AATK: variants seen among roughly 807,000 people sequenced by gnomAD.
AATK encodes lemur tail kinase 1.
AATK carries 91 observed loss-of-function variants against 114.3 expected under a neutral mutation model. The observed-to-expected ratio is 0.80, with a 90% confidence interval of 0.67 to 0.95. AATK has a LOEUF of 0.95. Among genes scored for constraint, AATK ranks in the 40% least tolerant of loss-of-function variants. AATK has a pLI of 0.00. For missense variants in AATK, 2,176 were observed against 1,965.2 expected, an observed-to-expected ratio of 1.11 and a Z score of -2.03; for synonymous variants, 1,075 against 916.5, an observed-to-expected ratio of 1.17 and a Z score of -3.12.
intron 6 of AATK, among the ~76,000 whole-genome samples, chr17:81,127,311 C>A (rs574161849): frequency 5.9e-5 from 9 of 152,094 alleles, no homozygotes; most frequent in African/African-American, 1.7e-4. Context: ...AACCACAGGG[C>A]ACACAAGCAG....
intron 1 of AATK, among the ~76,000 whole-genome samples, chr17:81,145,665 G>A (rs920511686): frequency 2.0e-5 from 3 of 150,736 alleles, no homozygotes; most frequent in Admixed American, 6.6e-5. Context: ...CCTGGGAGGC[G>A]GAGGTTGCAG....
At position 81,127,685 on chromosome 17, in the gene AATK, A is replaced by G; in HGVS notation, c.534-15T>C. 1 of 1,554,742 alleles carries G rather than the reference A, an allele frequency of 6.4e-7. No homozygotes were observed. The highest frequency in any genetic ancestry group is 8.7e-7 in the Non-Finnish European group (1 of 1,147,948). On this transcript the variant is annotated splice_polypyrimidine_tract_variant and intron_variant, in intron 5 of 13. Coordinates refer to ENST00000326724, the MANE Select transcript of AATK (RefSeq NM_001080395.3). ...GCTTCAGGGCCCTGCGGGAGTGGAC[A>G]GGCGGCCCCTGACTTGGGAGGAGGT... is the stretch of plus-strand genomic sequence containing the variant.
chr17:81,125,073 G>A (rs1264415578), intron 7 of AATK, 59 bp from the exon 8 acceptor site: 7 of 1,127,860 alleles, frequency 6.2e-6, no homozygotes, highest in Non-Finnish European at 8.8e-6. Flanking sequence ...TGTGCCGGGT[G>A]GGGGCAGGGG....
chr17:81,143,963 C>T (rs939626815), intron 1 of AATK, among the ~76,000 whole-genome samples: 29 of 152,244 alleles, frequency 1.9e-4, no homozygotes, highest in African/African-American at 6.5e-4. Flanking sequence ...AGGGTGAGCA[C>T]GGTGCCCAGG....
rs1405146758 is a variant in AATK at position 81,122,153 on chromosome 17, G to A, written c.1783C>T (p.Pro595Ser). ...GGGTCCCGCGCCAAGCTTCTGCGAG[G>A]GTAGTGGTCGCCGCGGCCCCAGGGG... ...DVPWGRGDHY[P>S]RRSLARDPLC... The change falls in exon 11 of 14, where the codon CCT becomes TCT. Residue 595 changes from proline (P) to serine (S), a missense_variant. Pro to Ser is a moderately conservative substitution (Grantham distance 74). Coordinates refer to ENST00000326724, the MANE Select transcript of AATK (RefSeq NM_001080395.3). 3 of 1,521,394 alleles carry A rather than the reference G, an allele frequency of 2.0e-6. No homozygotes were observed. Among genetic ancestry groups the A allele is most frequent in the Non-Finnish European group, 2.6e-6 (3 of 1,135,592 alleles). The allele number at this position is 1,521,394 out of a possible 1,614,324, so 94.2% of individuals were successfully genotyped here.
intron 6 of AATK, among the ~76,000 whole-genome samples, chr17:81,127,212 C>T (rs2060850460): frequency 6.6e-6 from 1 of 152,044 alleles, no homozygotes; most frequent in South Asian, 2.1e-4. Context: ...CCAGGCCCAG[C>T]CCCCCATGGC....
At chr17:81,159,320 G>T (rs1400467134) in intron 1 of AATK, among the ~76,000 whole-genome samples, 1 of 152,168 alleles carries the variant, frequency 6.6e-6, no homozygotes, top group Non-Finnish European at 1.5e-5. Flanking sequence ...ACATGGGGCA[G>T]CTGGGAGGGC....
chr17:81,144,780 C>T (rs963420050), intron 1 of AATK, among the ~76,000 whole-genome samples: 10 of 152,212 alleles, frequency 6.6e-5, no homozygotes, highest in African/African-American at 2.4e-4. Flanking sequence ...AGATGAAGCT[C>T]CCGGGTGAAA....
At position 81,157,134 on chromosome 17, in the gene AATK, G is replaced by A. The variant is rs866624532; in HGVS notation, c.55+8804C>T. On this transcript the variant is annotated intron_variant, in intron 1 of 13. Transcript: ENST00000326724. The stretch of plus-strand genomic sequence containing the variant: ...GGGTGGCAGGTGAGGACAGGGCAGG[G>A]GCTGTAAGTCACAAGACACCGCCCC... Among the ~76,000 whole-genome samples the A allele has an allele frequency of 9.8e-5, 15 of 152,320 alleles. No individual in the cohort carries two copies. The South Asian group carries it at 1.2e-3, about 13-fold the overall frequency.
rs2060817715 is a variant in AATK, at chr17:81,126,121, C to T, written c.755+306G>A. On this transcript the variant is annotated intron_variant, in intron 7 of 13. Coordinates refer to ENST00000326724, the MANE Select transcript of AATK (RefSeq NM_001080395.3). The surrounding 1 kb of genome is among the most constrained non-coding windows in gnomAD (Gnocchi z 5.1). ...TCTCCCTCAAGCCCCAAAGCGAGGG[C>T]TTAGCAGAGTGTGGGGTTGGCGCGG... Among the ~76,000 whole-genome samples, 1 of 152,178 alleles carries T rather than the reference C, an allele frequency of 6.6e-6. No homozygotes were observed. Among genetic ancestry groups the T allele is most frequent in the Non-Finnish European group, 1.5e-5 (1 of 68,018 alleles).
chr17:81,118,068 G>C lies in AATK; in HGVS notation c.*334C>G, dbSNP rs1239874744. 5 of 278,482 alleles carry C rather than the reference G, an allele frequency of 1.8e-5. No individual in the cohort carries two copies. Among genetic ancestry groups the C allele is most frequent in the African/African-American group, 2.2e-5 (1 of 45,628 alleles). The allele number at this position is 278,482 out of a possible 1,614,324, so 17.3% of individuals were successfully genotyped here. A position where few individuals can be genotyped will look rare whatever the true frequency, so the allele number is the denominator to read the frequency against. The stretch of plus-strand genomic sequence containing the variant: ...GGTCCTCCGAGGCCAGGCAGGCAGG[G>C]CAGAGGGTGGGGGCCGCCGTGCCCA... On this transcript the variant is annotated 3_prime_UTR_variant, in exon 14 of 14. Coordinates refer to ENST00000326724, the MANE Select transcript of AATK (RefSeq NM_001080395.3).
At position 81,131,176 on chromosome 17, in the gene AATK, G is replaced by T. The variant is rs373450307; in HGVS notation, c.219C>A (p.Tyr73Ter). Residue 73 changes from tyrosine to a stop codon, truncating the protein, a stop_gained, in exon 3 of 14, where the codon TAC becomes TAA. Transcript: ENST00000326724. LOFTEE classifies it high-confidence loss of function. ...KEFENAEGDE[Y>*]AADLAQGSPA... is the part of the protein sequence containing the mutation. ...GGGAGCCCTGCGCCAGGTCGGCTGCGTACTCGTCCCCCTCCGCATTCTCAA... is the reference window on the plus strand; with the variant it reads ...GGGAGCCCTGCGCCAGGTCGGCTGCTTACTCGTCCCCCTCCGCATTCTCAA... The T allele has an allele frequency of 1.3e-6, 2 of 1,581,030 alleles. No homozygotes were observed. Among genetic ancestry groups the T allele is most frequent in the South Asian group, 1.2e-5 (1 of 86,764 alleles).
chr17:81,138,444 C>T (rs1335165093), intron 1 of AATK, among the ~76,000 whole-genome samples: 1 of 95,346 alleles, frequency 1.0e-5, no homozygotes. Context: ...AACACACCCA[C>T]AGATGCATGT....
At chr17:81,148,220 G>A (rs1355306051) in intron 1 of AATK, among the ~76,000 whole-genome samples, 4 of 152,254 alleles carry the variant, frequency 2.6e-5, no homozygotes, top group East Asian at 3.9e-4. Flanking sequence ...AGAATCAGAC[G>A]ATGTATGATT....
intron 3 of AATK, among the ~76,000 whole-genome samples, chr17:81,129,210 G>A (rs900725579): frequency 2.6e-5 from 4 of 152,242 alleles, no homozygotes; most frequent in Non-Finnish European, 5.9e-5. Context: ...GTCTGAGCCT[G>A]GCTGCCAGGA....
intron 1 of AATK, among the ~76,000 whole-genome samples, chr17:81,144,495 C>T (rs756112691): frequency 2.6e-5 from 4 of 152,222 alleles, no homozygotes; most frequent in African/African-American, 7.2e-5. Flanking sequence ...CAGGCGGGGC[C>T]GCTGCAGCTG....
intron 1 of AATK, among the ~76,000 whole-genome samples, chr17:81,149,428 A>G (rs756069273): frequency 1.1e-4 from 13 of 123,042 alleles, no homozygotes; most frequent in East Asian, 2.3e-4. Context: ...CCACCCTCAC[A>G]CCCCAGCCCC....
At chr17:81,159,914 G>A (rs1163673080) in intron 1 of AATK, among the ~76,000 whole-genome samples, 1 of 152,148 alleles carries the variant, frequency 6.6e-6, no homozygotes, top group African/African-American at 2.4e-5. Context: ...ACCCTGGCAG[G>A]TGGGTAGAGC....
rs1306459599 is a variant in AATK, at chr17:81,119,248, G to GGCCGGGAAGGAGCGGA, written c.4084+116_4084+131dup. 3 of 884,394 alleles carry GGCCGGGAAGGAGCGGA rather than the reference G, an allele frequency of 3.4e-6. No homozygotes were observed. The African/African-American group carries it at 6.9e-5, about 20-fold the overall frequency. The allele number at this position is 884,394 out of a possible 1,614,324, so 54.8% of individuals were successfully genotyped here. ...TAGGTCTGGGGCCGGGAAGGAGCGG[G>GGCCGGGAAGGAGCGGA]GCCGGGAAGGAGCGGAGCGGAGCGG... On this transcript the variant is annotated intron_variant, in intron 13 of 13. Transcript: ENST00000326724.
Sources: allele counts gnomAD v4.1 joint callset (sites outside exome capture counted in the v4.1 genomes callset), GRCh38; gene constraint gnomAD v4.1.1; non-coding constraint Gnocchi (gnomAD v3.1); transcripts MANE v1.5; gene names NCBI Gene and HGNC (gene_info 2026-07-23, HGNC 2026-07-21).